Variants in SEC14L1 observed in about 807,000 individuals in gnomAD.
The protein encoded by SEC14L1 is SEC14 like lipid binding 1.
In SEC14L1, 48 loss-of-function variants were observed where a neutral mutation model predicts 85.3. The ratio of observed to expected loss-of-function variants is 0.56; its 90% CI spans 0.45 to 0.72. The LOEUF (loss-of-function observed/expected upper bound fraction) is 0.72. SEC14L1 is among the 30% of genes least tolerant of loss of function. The pLI is 0.00. For synonymous variants in SEC14L1, 391 were observed against 355.5 expected (o/e 1.10, Z -1.12); for missense variants, 682 against 921.4 (o/e 0.74, Z 3.36).
chr17:77,110,608 C>A (rs532260662), intron 3 of SEC14L1, among the ~76,000 whole-genome samples: 54 of 151,722 alleles, frequency 3.6e-4, no homozygotes, highest in Middle Eastern at 3.4e-3. Context: ...TGGCTGGGCG[C>A]GGTGGCTCAT....
At chr17:77,108,906 T>A (rs986552804) in intron 3 of SEC14L1, among the ~76,000 whole-genome samples, 4 of 150,788 alleles carry the variant, frequency 2.7e-5, no homozygotes, top group Non-Finnish European at 4.4e-5. Context: ...CACTGCAACC[T>A]CTGCCTCCCG....
chr17:77,163,904 G>C (rs1974176154), intron 3 of SEC14L1, among the ~76,000 whole-genome samples: 1 of 152,178 alleles, frequency 6.6e-6, no homozygotes. Flanking sequence ...ACAAGCCCAG[G>C]GTGAAGATGA....
At chr17:77,208,299 T>G (rs985717663) in intron 13 of SEC14L1, among the ~76,000 whole-genome samples, 1 of 152,234 alleles carries the variant, frequency 6.6e-6, no homozygotes, top group East Asian at 1.9e-4. Flanking sequence ...CAAGCGCCTA[T>G]GAGGTTAAAC....
At chr17:77,200,706 G>C (rs761871779) in intron 9 of SEC14L1, 33 bp downstream of exon 9, 2 of 1,590,126 alleles carry the variant, frequency 1.3e-6, no homozygotes, top group South Asian at 2.3e-5. Flanking sequence ...TGTTTCCATC[G>C]TTGTCTTGAT....
chr17:77,116,081 G>T (rs953742612), intron 3 of SEC14L1, among the ~76,000 whole-genome samples: 1 of 151,986 alleles, frequency 6.6e-6, no homozygotes, highest in Non-Finnish European at 1.5e-5. Context: ...ACCAGGTTCA[G>T]CGAATTTTTA....
At chr17:77,201,067 C>T (rs1598390888) in intron 9 of SEC14L1, among the ~76,000 whole-genome samples, 1 of 152,212 alleles carries the variant, frequency 6.6e-6, no homozygotes, top group Admixed American at 6.5e-5. Flanking sequence ...TAGCTTAAAA[C>T]GGTTCAGCCC....
Position 77,175,195 on chromosome 17 carries a change from TTCA to T in SEC14L1, c.64-15602_64-15600del, listed in dbSNP as rs199779321. On this transcript the variant is annotated intron_variant, in intron 3 of 16. Coordinates refer to ENST00000436233, the MANE Select transcript of SEC14L1 (RefSeq NM_001143998.2). ...CACAGTTAAACCCTTTGAAGAGGAA[TTCA>T]TCATCTCTGGCGCTAGTATTGTTGC... Among the ~76,000 whole-genome samples the T allele has an allele frequency of 8.5e-5, 13 of 152,160 alleles. 1 individual carries two copies. The East Asian group carries it at 2.3e-3, about 27-fold the overall frequency.
At chr17:77,092,178 C>T (rs927959607) in intron 2 of SEC14L1, among the ~76,000 whole-genome samples, 1 of 152,178 alleles carries the variant, frequency 6.6e-6, no homozygotes, top group Non-Finnish European at 1.5e-5. Context: ...CAGCGTCTTC[C>T]TTCTGTCTTT....
chr17:77,099,864 G>A (rs2143308473), intron 3 of SEC14L1, among the ~76,000 whole-genome samples: 1 of 152,278 alleles, frequency 6.6e-6, no homozygotes, highest in East Asian at 1.9e-4. Flanking sequence ...TCAAAAGGAG[G>A]TATTAAGAGA....
chr17:77,149,252 CA>C (rs1182343508), intron 3 of SEC14L1, among the ~76,000 whole-genome samples: 1 of 152,158 alleles, frequency 6.6e-6, no homozygotes, highest in African/African-American at 2.4e-5. Flanking sequence ...TGTGTCCTTC[CA>C]GGGCAGTGAC....
chr17:77,123,853 G>T (rs1207274120), intron 3 of SEC14L1, among the ~76,000 whole-genome samples: 1 of 152,234 alleles, frequency 6.6e-6, no homozygotes, highest in Non-Finnish European at 1.5e-5. Flanking sequence ...TGGGAAGGAA[G>T]ATGTAGCGAA....
intron 3 of SEC14L1, among the ~76,000 whole-genome samples, chr17:77,125,135 G>T (rs1277868607): frequency 2.0e-5 from 3 of 151,734 alleles, no homozygotes; most frequent in African/African-American, 7.3e-5. Flanking sequence ...CTCCCAAGCA[G>T]CTGGGACTAC....
chr17:77,159,687 T>C (rs1455578278), intron 3 of SEC14L1, among the ~76,000 whole-genome samples: 1 of 152,178 alleles, frequency 6.6e-6, no homozygotes, highest in African/African-American at 2.4e-5. Context: ...CCCTTGTCTT[T>C]TATATTTGAT....
rs570301684 is a variant in SEC14L1 at position 77,214,364 on chromosome 17, C to T, written c.*341C>T. On this transcript the variant is annotated 3_prime_UTR_variant, in exon 17 of 17. Transcript: ENST00000436233. The stretch of plus-strand genomic sequence containing the variant: ...TGCAAAAAATTTTTCCAACGAACTC[C>T]GCATTGTCCATTAGTGAATGAATTC... 6.5e-5 allele frequency: 69 copies of T among 1,061,906 alleles called. No individual in the cohort carries two copies. Among genetic ancestry groups the T allele is most frequent in the South Asian group, 3.2e-4 (10 of 31,454 alleles). The allele number at this position is 1,061,906 out of a possible 1,614,324, so 65.8% of individuals were successfully genotyped here. A position where few individuals can be genotyped will look rare whatever the true frequency, so the allele number is the denominator to read the frequency against.
intron 8 of SEC14L1, among the ~76,000 whole-genome samples, chr17:77,196,876 A>T (rs144522545): frequency 2.7e-3 from 416 of 152,312 alleles, no homozygotes; most frequent in African/African-American, 9.8e-3. Context: ...TCATCAAGAA[A>T]ACCACTGCAG....
chr17:77,195,807 T>A (rs749716212), intron 7 of SEC14L1, among the ~76,000 whole-genome samples: 7 of 151,888 alleles, frequency 4.6e-5, no homozygotes, highest in Admixed American at 1.3e-4. Flanking sequence ...ACACAGTAGC[T>A]CCATTCAAAA....
Position 77,213,549 on chromosome 17 carries a change from G to T in SEC14L1, c.2042+57G>T. ...GGACAGCTGGGCATGGTTGGAGGGA[G>T]CCTGCAGTCCCACGCCGTGTGCAGG... On this transcript the variant is annotated intron_variant, in intron 16 of 16. Coordinates refer to ENST00000436233, the MANE Select transcript of SEC14L1 (RefSeq NM_001143998.2). This position sits in a 1 kb window ranked among gnomAD's most constrained non-coding sequence, Gnocchi z 7.1. 2 of 1,585,580 alleles carry T rather than the reference G, an allele frequency of 1.3e-6. No individual in the cohort carries two copies. Among genetic ancestry groups the T allele is most frequent in the Non-Finnish European group, 1.7e-6 (2 of 1,168,128 alleles).
rs918646551 is a variant in SEC14L1, at chr17:77,213,480, C to T, written c.2030C>T (p.Ser677Leu). 16 of 1,608,500 alleles carry T rather than the reference C, an allele frequency of 9.9e-6. No homozygotes were observed. Among genetic ancestry groups the T allele is most frequent in the Admixed American group, 1.7e-5 (1 of 59,992 alleles). Reference sequence around the variant, plus strand: ...ATGTACTACACCGAGGTGATCGGCTCGGAGGATTTCAGGTGCGGCCACCCT... The same window carrying T: ...ATGTACTACACCGAGGTGATCGGCTTGGAGGATTTCAGGTGCGGCCACCCT... ...KVMYYTEVIG[S>L]EDFRGSMTSL... Residue 677 changes from serine (S) to leucine (L), a missense_variant, in exon 16 of 17, where the codon TCG becomes TTG. By Grantham distance (145) the Ser-to-Leu change is moderately radical (BLOSUM62 -2). Transcript: ENST00000436233. The surrounding 1 kb of genome is among the most constrained non-coding windows in gnomAD (Gnocchi z 7.1).
intron 3 of SEC14L1, among the ~76,000 whole-genome samples, chr17:77,184,269 C>T (rs573400495): frequency 6.6e-6 from 1 of 152,236 alleles, no homozygotes; most frequent in South Asian, 2.1e-4. Flanking sequence ...AGGTACCCAC[C>T]TTTGTTCCTT....
Sources: allele counts gnomAD v4.1 joint callset (sites outside exome capture counted in the v4.1 genomes callset), GRCh38; gene constraint gnomAD v4.1.1; non-coding constraint Gnocchi (gnomAD v3.1); transcripts MANE v1.5; gene names NCBI Gene and HGNC (gene_info 2026-07-23, HGNC 2026-07-21).